Variants in IGFL4 observed in about 807,000 individuals in gnomAD.
IGFL4 encodes insulin growth factor-like family member 4.
IGFL4 carries 12 observed loss-of-function variants against 15.4 expected under a neutral mutation model. The ratio of observed to expected loss-of-function variants is 0.78; its 90% CI spans 0.50 to 1.26. IGFL4 has a LOEUF of 1.26. IGFL4 is among the 50% of genes most tolerant of loss of function. The pLI is 0.00. For synonymous variants in IGFL4, 54 were observed against 55.9 expected (o/e 0.97, Z 0.16); for missense variants, 126 against 147.8 (o/e 0.85, Z 0.76).
At chr19:46,068,181 C>A (rs539745974) in intron 1 of IGFL4, among the ~76,000 whole-genome samples, 3 of 152,176 alleles carry the variant, frequency 2.0e-5, no homozygotes, top group Non-Finnish European at 4.4e-5. Context: ...CAACCAATTC[C>A]GCCACCATGT....
At position 46,039,814 on chromosome 19, in the gene IGFL4, C is replaced by G; in HGVS notation, c.*78G>C. 7.7e-7 allele frequency: 1 copy of G among 1,294,220 alleles called. No homozygotes were observed. The highest frequency in any genetic ancestry group is 1.7e-5 in the Admixed American group (1 of 59,414). 80.2% of individuals were successfully genotyped at this position (1,294,220 alleles called of 1,614,324 possible). A position where few individuals can be genotyped will look rare whatever the true frequency, so the allele number is the denominator to read the frequency against. On this transcript the variant is annotated 3_prime_UTR_variant, in exon 4 of 4. Transcript: ENST00000377697. ...GGGACAGAGTGAAACTCTGTCACAA[C>G]AACAACAAAATCAATGCAGTATAAT...
intron 1 of IGFL4, among the ~76,000 whole-genome samples, chr19:46,070,426 C>G (rs1202835123): frequency 6.6e-6 from 1 of 152,002 alleles, no homozygotes; most frequent in Non-Finnish European, 1.5e-5. Flanking sequence ...GCCCTTATTT[C>G]ATTTTGTAGT....
intron 1 of IGFL4, among the ~76,000 whole-genome samples, chr19:46,063,894 T>C (rs1252531567): frequency 6.6e-6 from 1 of 152,194 alleles, no homozygotes; most frequent in African/African-American, 2.4e-5. Context: ...AAATGAGGTA[T>C]AGATTTGGTG....
intron 2 of IGFL4, among the ~76,000 whole-genome samples, chr19:46,049,513 C>T (rs901442588): frequency 6.6e-6 from 1 of 152,070 alleles, no homozygotes; most frequent in African/African-American, 2.4e-5. Flanking sequence ...CCCTCACTTC[C>T]CTGGTGACCT....
chr19:46,044,038 A>T (rs1248340526), upstream of IGFL4, among the ~76,000 whole-genome samples: 2 of 152,154 alleles, frequency 1.3e-5, no homozygotes, highest in Non-Finnish European at 2.9e-5. Context: ...CCCATGGAGA[A>T]CGAAGAAATG....
chr19:46,051,574 A>G (rs1969345348), intron 2 of IGFL4, among the ~76,000 whole-genome samples: 1 of 152,098 alleles, frequency 6.6e-6, no homozygotes, highest in South Asian at 2.1e-4. Flanking sequence ...AACAAAACCA[A>G]AAAATAATAA....
At chr19:46,056,387 C>T (rs1335858004) in intron 2 of IGFL4, among the ~76,000 whole-genome samples, 1 of 152,144 alleles carries the variant, frequency 6.6e-6, no homozygotes, top group Non-Finnish European at 1.5e-5. Context: ...ATTAGAGTCC[C>T]TTATATGAAG....
chr19:46,057,136 G>A (rs1243884889), intron 2 of IGFL4, among the ~76,000 whole-genome samples: 1 of 152,144 alleles, frequency 6.6e-6, no homozygotes. Context: ...CATTAAAAAT[G>A]TTAAAGAATC....
chr19:46,063,859 A>C (rs1288725312), intron 1 of IGFL4, among the ~76,000 whole-genome samples: 4 of 152,198 alleles, frequency 2.6e-5, no homozygotes, highest in Admixed American at 2.6e-4. Flanking sequence ...GGATTTCTTA[A>C]TATCTTTAAT....
At chr19:46,047,679 G>A (rs1488292947) in intron 2 of IGFL4, among the ~76,000 whole-genome samples, 2 of 151,942 alleles carry the variant, frequency 1.3e-5, no homozygotes, top group Admixed American at 1.3e-4. Context: ...TAGAAGAAAT[G>A]GATACATCCC....
Position 46,074,168 on chromosome 19 carries a change from G to A in IGFL4, c.-432+2852C>T, listed in dbSNP as rs1969572421. Among the ~76,000 whole-genome samples, 6 of 151,770 alleles carry A rather than the reference G, an allele frequency of 4.0e-5. No individual in the cohort carries two copies. In the South Asian group the frequency reaches 1.3e-3, roughly 32 times the overall value. ...AGCTCAGTTCAGGGAATTGGCTAGGGGGGTCTTAGTTCCTCTTCATATTAG... is the reference window on the plus strand; with the variant it reads ...AGCTCAGTTCAGGGAATTGGCTAGGAGGGTCTTAGTTCCTCTTCATATTAG... On this transcript the variant is annotated intron_variant, in intron 1 of 5. Transcript: ENST00000601672.
At chr19:46,074,274 G>GATATATATATATACAT (rs544426281) in intron 1 of IGFL4, among the ~76,000 whole-genome samples, 1 of 150,160 alleles carries the variant, frequency 6.7e-6, no homozygotes, top group Admixed American at 6.7e-5. Context: ...ACGAGCAGGA[G>GATATATATATATACAT]ATATATATAT....
intron 1 of IGFL4, among the ~76,000 whole-genome samples, chr19:46,076,648 AAATAT>A (rs1969600313): frequency 6.7e-6 from 1 of 149,004 alleles, no homozygotes; most frequent in African/African-American, 2.4e-5. Flanking sequence ...TAGTAAATAT[AAATAT>A]ATTATTTAGT....
At chr19:46,045,671 C>G (rs59169984), upstream of IGFL4, among the ~76,000 whole-genome samples, 1,467 of 151,992 alleles carry the variant, frequency 9.7e-3, 23 homozygotes, top group African/African-American at 0.033. Context: ...GAAAGAATTT[C>G]AGAGCTTAAA....
At chr19:46,070,025 G>A (rs1467452280) in intron 1 of IGFL4, among the ~76,000 whole-genome samples, 2 of 152,140 alleles carry the variant, frequency 1.3e-5, no homozygotes, top group African/African-American at 4.8e-5. Flanking sequence ...GGAGGGTAAC[G>A]CTTGTTTTGT....
At chr19:46,052,257 T>G (rs1385633293) in intron 2 of IGFL4, among the ~76,000 whole-genome samples, 1 of 152,122 alleles carries the variant, frequency 6.6e-6, no homozygotes, top group African/African-American at 2.4e-5. Context: ...ATAATAGATC[T>G]CAATAAATTT....
intron 1 of IGFL4, among the ~76,000 whole-genome samples, chr19:46,074,288 T>C (rs1448760527): frequency 2.7e-5 from 4 of 150,718 alleles, no homozygotes; most frequent in Non-Finnish European, 5.9e-5. Flanking sequence ...TATATATACA[T>C]ATATATATAT....
chr19:46,064,352 T>G (rs570788973), intron 1 of IGFL4, among the ~76,000 whole-genome samples: 1 of 152,178 alleles, frequency 6.6e-6, no homozygotes, highest in Non-Finnish European at 1.5e-5. Context: ...ATTAAATTAT[T>G]ATTGACTATA....
chr19:46,070,043 G>A (rs1299912443), intron 1 of IGFL4, among the ~76,000 whole-genome samples: 1 of 152,126 alleles, frequency 6.6e-6, no homozygotes, highest in African/African-American at 2.4e-5. Flanking sequence ...TGTTCACTAA[G>A]CTGGGTGGAC....
Sources: allele counts gnomAD v4.1 joint callset (sites outside exome capture counted in the v4.1 genomes callset), GRCh38; gene constraint gnomAD v4.1.1; transcripts MANE v1.5; gene names NCBI Gene and HGNC (gene_info 2026-07-23, HGNC 2026-07-21).